Variants in ADGRL4 observed in about 807,000 individuals in gnomAD.
ADGRL4 encodes EGF, latrophilin and seven transmembrane domain containing 1.
ADGRL4 carries 90 observed loss-of-function variants against 74.8 expected under a neutral mutation model. That is an observed-to-expected ratio of 1.20 (90% CI 1.02 to 1.43). ADGRL4 has a LOEUF of 1.43. Among genes scored for constraint, ADGRL4 ranks in the 40% most tolerant of loss-of-function variants. The pLI is 0.00. For missense variants in ADGRL4, 881 were observed against 814.3 expected (o/e 1.08, Z -1.00); for synonymous variants, 311 against 279.2 (o/e 1.11, Z -1.14).
intron 2 of ADGRL4, among the ~76,000 whole-genome samples, chr1:78,992,634 C>A (rs1343089703): frequency 3.3e-5 from 5 of 152,042 alleles, no homozygotes; most frequent in Non-Finnish European, 7.4e-5. Context: ...AAGGTTGGTG[C>A]TTTTCATCTA....
intron 12 of ADGRL4, among the ~76,000 whole-genome samples, chr1:78,897,932 T>C (rs1648431542): frequency 2.0e-5 from 3 of 152,144 alleles, no homozygotes. Context: ...CAAATCCTTT[T>C]TCTAACAGTG....
At chr1:78,911,741 T>C (rs1186218153) in intron 12 of ADGRL4, among the ~76,000 whole-genome samples, 1 of 151,896 alleles carries the variant, frequency 6.6e-6, no homozygotes, top group East Asian at 1.9e-4. Context: ...AAAATGTAGG[T>C]ATAGGAATGC....
At chr1:78,966,200 G>A (rs1303525342) in intron 2 of ADGRL4, among the ~76,000 whole-genome samples, 2 of 152,152 alleles carry the variant, frequency 1.3e-5, no homozygotes, top group Admixed American at 6.5e-5. Context: ...TTGCAGCGGG[G>A]AAGAGCCTGG....
chr1:78,946,072 AC>A (rs1649594562), intron 3 of ADGRL4, among the ~76,000 whole-genome samples: 1 of 152,138 alleles, frequency 6.6e-6, no homozygotes, highest in African/African-American at 2.4e-5. Flanking sequence ...CAAAAATTAA[AC>A]CTTCTTCCTG....
At position 78,890,971 on chromosome 1, in the gene ADGRL4, A is replaced by G. The variant is rs1322319886; in HGVS notation, c.*183T>C. The G allele has an allele frequency of 2.4e-5, 15 of 634,970 alleles. No individual in the cohort carries two copies. The highest frequency in any genetic ancestry group is 4.1e-4 in the Middle Eastern group (1 of 2,430). 39.3% of individuals were successfully genotyped at this position (634,970 alleles called of 1,614,324 possible). On this transcript the variant is annotated 3_prime_UTR_variant, in exon 15 of 15. Transcript: ENST00000370742. Reference sequence around the variant, plus strand: ...ACATAGAAAAACATAGTATATCTATATGATACATAATTTTACCTTATTATC... The same window carrying G: ...ACATAGAAAAACATAGTATATCTATGTGATACATAATTTTACCTTATTATC...
intron 12 of ADGRL4, among the ~76,000 whole-genome samples, chr1:78,900,029 AGAG>A (rs1348487124): frequency 6.6e-6 from 1 of 152,166 alleles, no homozygotes; most frequent in Non-Finnish European, 1.5e-5. Flanking sequence ...CCTTTGAGGC[AGAG>A]GAGATTTGGT....
chr1:78,980,198 C>A (rs376553093), intron 2 of ADGRL4, among the ~76,000 whole-genome samples: 4 of 150,950 alleles, frequency 2.6e-5, no homozygotes, highest in African/African-American at 2.5e-5. Context: ...ACACACACAC[C>A]CACACACCAG....
At chr1:78,961,205 C>G (rs1649944778) in intron 2 of ADGRL4, among the ~76,000 whole-genome samples, 1 of 151,994 alleles carries the variant, frequency 6.6e-6, no homozygotes, top group Admixed American at 6.6e-5. Flanking sequence ...CCTCAGCCTC[C>G]CCAGTAGCTG....
intron 2 of ADGRL4, among the ~76,000 whole-genome samples, chr1:78,974,968 G>A (rs1570265979): frequency 6.6e-6 from 1 of 152,090 alleles, no homozygotes; most frequent in Admixed American, 6.6e-5. Context: ...TAAGGAATGG[G>A]CATCTTTAGG....
At chr1:78,908,532 C>T (rs1479995441) in intron 12 of ADGRL4, among the ~76,000 whole-genome samples, 1 of 151,838 alleles carries the variant, frequency 6.6e-6, no homozygotes, top group Non-Finnish European at 1.5e-5. Flanking sequence ...AATGCTGTTA[C>T]TATTTTTATT....
At chr1:78,980,252 C>T (rs543617988) in intron 2 of ADGRL4, among the ~76,000 whole-genome samples, 9 of 151,368 alleles carry the variant, frequency 5.9e-5, no homozygotes, top group Non-Finnish European at 1.0e-4. Context: ...CTTCTCAATG[C>T]CCTTATTCTT....
intron 10 of ADGRL4, 35 bp from the exon 11 acceptor site, chr1:78,918,085 GT>G (rs1235839096): frequency 6.7e-7 from 1 of 1,489,054 alleles, no homozygotes; most frequent in Non-Finnish European, 9.2e-7. Context: ...AACATTGTCA[GT>G]GTTTGTTTTA....
intron 7 of ADGRL4, among the ~76,000 whole-genome samples, chr1:78,931,780 T>G (rs1186791234): frequency 6.6e-6 from 1 of 150,594 alleles, no homozygotes; most frequent in Non-Finnish European, 1.5e-5. Context: ...GAGTTGGCAA[T>G]CTTACTCTCC....
chr1:78,981,099 A>G (rs957570810), intron 2 of ADGRL4, among the ~76,000 whole-genome samples: 1 of 151,888 alleles, frequency 6.6e-6, no homozygotes, highest in Non-Finnish European at 1.5e-5. Flanking sequence ...TTTTTGTGAA[A>G]GACATCAGCC....
At chr1:78,925,323 G>C (rs1355386153) in intron 8 of ADGRL4, among the ~76,000 whole-genome samples, 2 of 151,938 alleles carry the variant, frequency 1.3e-5, no homozygotes, top group Non-Finnish European at 2.9e-5. Context: ...ACCTCATATG[G>C]CTTTTCTAAG....
chr1:78,916,739 T>A (rs1439720467), intron 12 of ADGRL4, among the ~76,000 whole-genome samples: 1 of 151,744 alleles, frequency 6.6e-6, no homozygotes, highest in African/African-American at 2.4e-5. Context: ...GAAAAAGAAA[T>A]TCAAAAAGAT....
At chr1:78,897,436 C>T (rs1648421350) in intron 12 of ADGRL4, among the ~76,000 whole-genome samples, 1 of 152,110 alleles carries the variant, frequency 6.6e-6, no homozygotes, top group Non-Finnish European at 1.5e-5. Context: ...CCTGTTAAGT[C>T]AGTTTAGCAA....
chr1:78,936,328 A>G lies in ADGRL4; in HGVS notation c.844T>C (p.Phe282Leu). 1 of 1,595,286 alleles carries G rather than the reference A, an allele frequency of 6.3e-7. No individual in the cohort carries two copies. Among genetic ancestry groups the G allele is most frequent in the South Asian group, 1.1e-5 (1 of 87,788 alleles). ...MNMDGDYINIFPKRKAAYDSN... is the reference protein window; with the variant it reads ...MNMDGDYINILPKRKAAYDSN... ...TCATATGCAGCTTTTCTCTTTGGAA[A>G]TATATTTATGTAGTCTCCATCCATA... The change falls in exon 7 of 15, where the codon TTT (phenylalanine) becomes CTT (leucine). Residue 282 changes from phenylalanine to leucine, a missense_variant. By Grantham distance (22) the Phe-to-Leu change is conservative. Transcript: ENST00000370742.
rs1648242029 is a variant in ADGRL4, at chr1:78,890,325, T to G, written c.*829A>C. On this transcript the variant is annotated 3_prime_UTR_variant, in exon 15 of 15. Transcript: ENST00000370742. ...GAATACTTCAGCTTTATTACACTGT[T>G]TTTACATTGATAGGTATAAACAATA... 1 of 152,146 alleles carries G rather than the reference T, an allele frequency of 6.6e-6. No homozygotes were observed. Among genetic ancestry groups the G allele is most frequent in the Admixed American group, 6.6e-5 (1 of 15,252 alleles). The allele number at this position is 152,146 out of a possible 1,614,324, so 9.4% of individuals were successfully genotyped here.
Sources: gnomAD v4.1 joint callset for allele counts (sites outside exome capture counted in the v4.1 genomes callset) on GRCh38, gnomAD v4.1.1 for gene constraint, MANE v1.5 for transcripts, NCBI Gene and HGNC (gene_info 2026-07-23, HGNC 2026-07-21) for gene names.